SPOCK2: variants seen among roughly 807,000 people sequenced by gnomAD.
The protein encoded by SPOCK2 is testican-2.
A neutral mutation model predicts 60.1 loss-of-function variants in SPOCK2; 39 were observed. The observed-to-expected ratio is 0.65, with a 90% confidence interval of 0.50 to 0.85. The LOEUF is 0.85. Ranked by LOEUF, SPOCK2 falls within the 40% of genes least tolerant of loss-of-function variation. The pLI is 0.00. For synonymous variants in SPOCK2, 217 were observed against 231.5 expected (o/e 0.94, Z 0.57); for missense variants, 523 against 567.4 (o/e 0.92, Z 0.80).
At chr10:72,067,560 C>T (rs1290946511) in intron 7 of SPOCK2, 53 bp downstream of exon 7, 1 of 1,605,390 alleles carries the variant, frequency 6.2e-7, no homozygotes, top group Non-Finnish European at 8.5e-7. Flanking sequence ...CCTGTGTCCT[C>T]AGCCCCTTCC....
At chr10:72,071,353 C>T (rs956197894) in intron 4 of SPOCK2, among the ~76,000 whole-genome samples, 15 of 152,078 alleles carry the variant, frequency 9.9e-5, no homozygotes, top group African/African-American at 3.6e-4. Context: ...CCATGCCCAG[C>T]TAATTTTGTA....
rs3824771 is a variant in SPOCK2, at chr10:72,060,796, G to A, written c.*1964C>T. 1 of 152,098 alleles carries A rather than the reference G, an allele frequency of 6.6e-6. No homozygotes were observed. The highest frequency in any genetic ancestry group is 1.5e-5 in the Non-Finnish European group (1 of 68,092). 9.4% of individuals were successfully genotyped at this position (152,098 alleles called of 1,614,324 possible). ...TGGGAAGCAGTTTATGGAGTTAAGT[G>A]GGGCTCTGCTATTTCCCCCAAGAAG... is the stretch of plus-strand genomic sequence containing the variant. On this transcript the variant is annotated 3_prime_UTR_variant, in exon 11 of 11. Coordinates refer to ENST00000373109, the MANE Select transcript of SPOCK2 (RefSeq NM_001244950.2).
chr10:72,076,321 C>A (rs1840714704), intron 1 of SPOCK2, among the ~76,000 whole-genome samples: 1 of 152,186 alleles, frequency 6.6e-6, no homozygotes, highest in South Asian at 2.1e-4. Context: ...TTGGCAAGTG[C>A]AAATAATGCC....
At position 72,062,739 on chromosome 10, in the gene SPOCK2, G is replaced by A. The variant is rs759504855; in HGVS notation, c.*21C>T. The A allele has an allele frequency of 3.1e-6, 5 of 1,589,728 alleles. No homozygotes were observed. In the South Asian group the frequency reaches 4.4e-5, roughly 14 times the overall value. On this transcript the variant is annotated 3_prime_UTR_variant, in exon 11 of 11. Coordinates refer to ENST00000373109, the MANE Select transcript of SPOCK2 (RefSeq NM_001244950.2). This position sits in a 1 kb window ranked among gnomAD's most constrained non-coding sequence, Gnocchi z 4.3. ...GAGCTCTGCTGTTGAGTCCCCCCCG[G>A]CAGCCGGCTCCTGAGGGCGTCTACC...
At position 72,070,294 on chromosome 10, in the gene SPOCK2, G is replaced by A. The variant is rs369524040; in HGVS notation, c.474+18C>T. On this transcript the variant is annotated intron_variant, in intron 5 of 10. Transcript: ENST00000373109. ...AGGTGACTCCACCCCCACCCTACCT[G>A]GGGCCTGGGCTCCTCACCACAGAGC... 106 of 1,612,440 alleles carry A rather than the reference G, an allele frequency of 6.6e-5. No individual in the cohort carries two copies. The highest frequency in any genetic ancestry group is 8.7e-5 in the Non-Finnish European group (103 of 1,178,860).
intron 8 of SPOCK2, among the ~76,000 whole-genome samples, chr10:72,065,393 G>A (rs911202754): frequency 2.0e-5 from 3 of 152,244 alleles, no homozygotes; most frequent in Non-Finnish European, 4.4e-5. Flanking sequence ...ACTGCCTGCA[G>A]TATTCAGCAC....
chr10:72,064,695 C>G (rs1373590669), intron 8 of SPOCK2, among the ~76,000 whole-genome samples: 1 of 152,016 alleles, frequency 6.6e-6, no homozygotes, highest in African/African-American at 2.4e-5. Context: ...TTTACTGTAC[C>G]TTTTCTATGC....
intron 1 of SPOCK2, among the ~76,000 whole-genome samples, chr10:72,083,045 C>G (rs1840807864): frequency 6.6e-6 from 1 of 152,130 alleles, no homozygotes; most frequent in South Asian, 2.1e-4. Context: ...GCCACCCCAT[C>G]TCTGGTATCT....
intron 9 of SPOCK2, 131 bp from the exon 10 acceptor site, chr10:72,063,293 A>T: frequency 7.6e-7 from 1 of 1,322,896 alleles, no homozygotes; most frequent in Non-Finnish European, 1.0e-6. Context: ...CCGGGTGCTG[A>T]CCCCCCAACA....
At position 72,062,781 on chromosome 10, in the gene SPOCK2, G is replaced by T; in HGVS notation, c.1254C>A (p.Asp418Glu). The change falls in exon 11 of 11, where the codon GAC becomes GAA. Residue 418 changes from aspartate to glutamate, a missense_variant. Transcript: ENST00000373109. This position sits in a 1 kb window ranked among gnomAD's most constrained non-coding sequence, Gnocchi z 4.3. ...GCGTCTACCAGATGTAGCCCCCGTC[G>T]TCAGCCTCGCCTGCCTCGCCCTCCT... The part of the protein sequence containing the change: ...EEEEGEAGEA[D>E]DGGYIW The T allele has an allele frequency of 6.2e-7, 1 of 1,607,266 alleles. No homozygotes were observed. The highest frequency in any genetic ancestry group is 8.5e-7 in the Non-Finnish European group (1 of 1,179,544).
At chr10:72,081,108 G>A (rs1382080299) in intron 1 of SPOCK2, among the ~76,000 whole-genome samples, 5 of 152,204 alleles carry the variant, frequency 3.3e-5, no homozygotes, top group Admixed American at 6.5e-5. Flanking sequence ...CTGAGCCACA[G>A]GCCGTGGTGC....
chr10:72,076,541 T>C (rs1840717185), intron 1 of SPOCK2, among the ~76,000 whole-genome samples: 1 of 152,184 alleles, frequency 6.6e-6, no homozygotes, highest in Non-Finnish European at 1.5e-5. Flanking sequence ...GGTGCTTATA[T>C]ATGCTTATCT....
chr10:72,078,619 G>C (rs1219230459), intron 1 of SPOCK2, among the ~76,000 whole-genome samples: 2 of 152,074 alleles, frequency 1.3e-5, no homozygotes, highest in Non-Finnish European at 2.9e-5. Context: ...GTCACCTACA[G>C]AAGAAATTCC....
Position 72,070,387 on chromosome 10 carries a change from G to A in SPOCK2, c.399C>T (p.Asp133=). The A allele has an allele frequency of 2.5e-6, 4 of 1,614,218 alleles. No individual in the cohort carries two copies. Among genetic ancestry groups the A allele is most frequent in the Non-Finnish European group, 2.5e-6 (3 of 1,180,022 alleles). The stretch of plus-strand genomic sequence containing the variant: ...CCATGTGGCAGGGCTTGCAGATGGA[G>A]TCTTTGTTTCCATGGAGTTTCACGG... ...QPTVKLHGNK[D]SICKPCHMAQ... is the part of the protein sequence containing the mutation. The change falls in exon 5 of 11, where the codon GAC becomes GAT. Residue 133 remains aspartate, a synonymous_variant. Coordinates refer to ENST00000373109, the MANE Select transcript of SPOCK2 (RefSeq NM_001244950.2).
At position 72,086,608 on chromosome 10, in the gene SPOCK2, G is replaced by T. The variant is rs939963077; in HGVS notation, c.189+1532C>A. 7.5e-6 allele frequency: 9 copies of T among 1,193,640 alleles called. No homozygotes were observed. In the Admixed American group the frequency reaches 3.1e-4, roughly 41 times the overall value. The allele number at this position is 1,193,640 out of a possible 1,614,324, so 73.9% of individuals were successfully genotyped here. A position where few individuals can be genotyped will look rare whatever the true frequency, so the allele number is the denominator to read the frequency against. ...AGCGGCAGGAGACTGCGGCTCATCT[G>T]CGCTGGGCCTGCAGGTGCTTCGGGA... On this transcript the variant is annotated intron_variant, in intron 1 of 10. Transcript: ENST00000373109.
intron 8 of SPOCK2, among the ~76,000 whole-genome samples, chr10:72,065,777 C>G (rs946107507): frequency 1.3e-5 from 2 of 152,226 alleles, no homozygotes; most frequent in African/African-American, 4.8e-5. Context: ...AGTGGTGAAA[C>G]AGATCACAAT....
Position 72,059,855 on chromosome 10 carries a change from A to C in SPOCK2, c.*2905T>G, listed in dbSNP as rs377702555. 1 of 152,786 alleles carries C rather than the reference A, an allele frequency of 6.5e-6. No homozygotes were observed. The highest frequency in any genetic ancestry group is 2.4e-5 in the African/African-American group (1 of 41,424). 9.5% of individuals were successfully genotyped at this position (152,786 alleles called of 1,614,324 possible). A position where few individuals can be genotyped will look rare whatever the true frequency, so the allele number is the denominator to read the frequency against. On this transcript the variant is annotated 3_prime_UTR_variant, in exon 11 of 11. Coordinates refer to ENST00000373109, the MANE Select transcript of SPOCK2 (RefSeq NM_001244950.2). ...AGGCACATTTATTTTCTCTGCTGCA[A>C]CCTACCAGATCTGACATCCACCTCC...
intron 1 of SPOCK2, among the ~76,000 whole-genome samples, chr10:72,077,213 C>G (rs1316103929): frequency 6.6e-6 from 1 of 152,152 alleles, no homozygotes; most frequent in Non-Finnish European, 1.5e-5. Context: ...CCCGAACTCC[C>G]AGGCTCAAGC....
chr10:72,073,241 A>G (rs35939973), intron 1 of SPOCK2, among the ~76,000 whole-genome samples: 10,719 of 152,248 alleles, frequency 0.07, 457 homozygotes, highest in African/African-American at 0.12. Flanking sequence ...CATGCTGCGT[A>G]GGAACAGAGC....
Sources: allele counts gnomAD v4.1 joint callset (sites outside exome capture counted in the v4.1 genomes callset), GRCh38; gene constraint gnomAD v4.1.1; non-coding constraint Gnocchi (gnomAD v3.1); transcripts MANE v1.5; gene names NCBI Gene and HGNC (gene_info 2026-07-23, HGNC 2026-07-21).